The following LINGO2 variants were observed in gnomAD, a reference collection of about 807,000 sequenced individuals.
The protein encoded by LINGO2 is leucine rich repeat and Ig domain containing 2.
A neutral mutation model predicts 30.6 loss-of-function variants in LINGO2; 14 were observed. The observed-to-expected ratio is 0.46, with a 90% confidence interval of 0.30 to 0.72. The LOEUF is 0.72. Ranked by LOEUF, LINGO2 falls within the 30% of genes least tolerant of loss-of-function variation. The probability of loss-of-function intolerance (pLI) is 0.07; values close to 1 mark genes in which losing one functional copy is unlikely to be tolerated. For synonymous variants in LINGO2, 317 were observed against 288.5 expected (o/e 1.10, Z -1.00); for missense variants, 729 against 751.7 (o/e 0.97, Z 0.35).
chr9:28,785,381 C>T, the LINGO2 span, among the ~76,000 whole-genome samples: 1 of 152,082 alleles, frequency 6.6e-6, no homozygotes, highest in African/African-American at 2.4e-5. Flanking sequence ...ATCATTGAGA[C>T]CTCATATCAA....
chr9:27,945,234 T>C (rs1349412672), downstream of LINGO2, among the ~76,000 whole-genome samples: 1 of 152,156 alleles, frequency 6.6e-6, no homozygotes, highest in African/African-American at 2.4e-5. Flanking sequence ...ACATTCTCTC[T>C]TTTGTTCCTC....
intron 1 of LINGO2, among the ~76,000 whole-genome samples, chr9:28,543,617 T>C (rs976530639): frequency 3.3e-5 from 5 of 152,054 alleles, no homozygotes; most frequent in Admixed American, 1.3e-4. Context: ...TATGAATGTA[T>C]AAAAAAATCT....
intron 4 of LINGO2, among the ~76,000 whole-genome samples, chr9:28,105,382 A>G (rs1473369651): frequency 6.6e-6 from 1 of 152,164 alleles, no homozygotes; most frequent in East Asian, 1.9e-4. Context: ...CATGATGAAC[A>G]AGAAACAATA....
intron 3 of LINGO2, among the ~76,000 whole-genome samples, chr9:28,347,963 G>A (rs115174931): frequency 6.6e-6 from 1 of 152,136 alleles, no homozygotes. Context: ...CCATTAAAAA[G>A]ATTTGGATGT....
intron 1 of LINGO2, among the ~76,000 whole-genome samples, chr9:28,622,639 ACAG>A (rs1301848328): frequency 6.6e-6 from 1 of 152,042 alleles, no homozygotes. Flanking sequence ...GCTATTGTAA[ACAG>A]TGCTGCAACA....
the LINGO2 span, among the ~76,000 whole-genome samples, chr9:28,727,452 A>AT: frequency 3.3e-5 from 5 of 151,906 alleles, no homozygotes; most frequent in Non-Finnish European, 1.5e-5. Flanking sequence ...CGTCTGGCTA[A>AT]TTTTTTTGTA....
At chr9:29,116,953 T>C in the LINGO2 span, among the ~76,000 whole-genome samples, 1 of 152,146 alleles carries the variant, frequency 6.6e-6, no homozygotes, top group Non-Finnish European at 1.5e-5. Flanking sequence ...CTTAAGGACA[T>C]ACTATGATAT....
At chr9:28,551,180 T>C (rs963622280) in intron 1 of LINGO2, among the ~76,000 whole-genome samples, 14 of 139,638 alleles carry the variant, frequency 1.0e-4, no homozygotes, top group African/African-American at 4.1e-4. Flanking sequence ...TTTTAAACTT[T>C]AAATAGATTA....
chr9:28,881,980 A>G, the LINGO2 span, among the ~76,000 whole-genome samples: 6 of 152,314 alleles, frequency 3.9e-5, no homozygotes, highest in East Asian at 1.2e-3. Context: ...AATATTGTCA[A>G]TTATATTTTG....
exon 6 of LINGO2, chr9:27,950,395 T>C: frequency 5.0e-6 from 8 of 1,614,142 alleles, no homozygotes; most frequent in Non-Finnish European, 6.8e-6. Flanking sequence ...ACATTGGCAA[T>C]GATGTTGTCA....
the LINGO2 span, among the ~76,000 whole-genome samples, chr9:28,712,817 T>A: frequency 2.0e-5 from 3 of 152,124 alleles, no homozygotes; most frequent in Non-Finnish European, 4.4e-5. Context: ...AACATAGAAT[T>A]TAAAAAGAAA....
At chr9:28,938,630 A>C in the LINGO2 span, among the ~76,000 whole-genome samples, 12 of 152,172 alleles carry the variant, frequency 7.9e-5, no homozygotes, top group Non-Finnish European at 1.6e-4. Flanking sequence ...TTACCATTAC[A>C]TTACAACTGC....
chr9:28,028,060 C>T (rs1823470402), intron 4 of LINGO2, among the ~76,000 whole-genome samples: 1 of 152,116 alleles, frequency 6.6e-6, no homozygotes, highest in Non-Finnish European at 1.5e-5. Flanking sequence ...CTGCTAGGCA[C>T]CAAGAATTCA....
intron 1 of LINGO2, among the ~76,000 whole-genome samples, chr9:28,534,485 C>A (rs1225930157): frequency 6.6e-6 from 1 of 152,134 alleles, no homozygotes; most frequent in African/African-American, 2.4e-5. Context: ...CACAACTAAC[C>A]AAGATATCGT....
intron 4 of LINGO2, among the ~76,000 whole-genome samples, chr9:28,102,982 C>G (rs972347151): frequency 6.6e-6 from 1 of 152,154 alleles, no homozygotes; most frequent in South Asian, 2.1e-4. Context: ...TATGTTAACT[C>G]TGGAGAATCC....
chr9:28,630,089 A>G (rs1196961069), intron 1 of LINGO2, among the ~76,000 whole-genome samples: 1 of 152,034 alleles, frequency 6.6e-6, no homozygotes. Flanking sequence ...TGTCCCTACA[A>G]AGGACATGAA....
chr9:28,473,358 G>C (rs1825601973), intron 2 of LINGO2, among the ~76,000 whole-genome samples: 1 of 151,780 alleles, frequency 6.6e-6, no homozygotes, highest in South Asian at 2.1e-4. Context: ...TCTCCATTCT[G>C]TGGTCGTCTC....
At chr9:28,929,103 T>G in the LINGO2 span, among the ~76,000 whole-genome samples, 1 of 152,204 alleles carries the variant, frequency 6.6e-6, no homozygotes, top group Non-Finnish European at 1.5e-5. Flanking sequence ...GATGATATTT[T>G]GAGATATTTA....
At chr9:28,172,024 AAAAAAAAAAC>A (rs1431765776) in intron 4 of LINGO2, among the ~76,000 whole-genome samples, 6 of 92,192 alleles carry the variant, frequency 6.5e-5, no homozygotes, top group Non-Finnish European at 1.3e-4. Context: ...CTCAAAAAAA[AAAAAAAAAAC>A]AAAAAAAAAA....
Sources: allele counts gnomAD v4.1 joint callset (sites outside exome capture counted in the v4.1 genomes callset), GRCh38; gene constraint gnomAD v4.1.1; transcripts MANE v1.5; gene names NCBI Gene and HGNC (gene_info 2026-07-23, HGNC 2026-07-21).